Variants in TBC1D1 observed in about 807,000 individuals in gnomAD.
TBC1D1 encodes TBC1 (tre-2/USP6, BUB2, cdc16) domain family, member 1.
A neutral mutation model predicts 125.6 loss-of-function variants in TBC1D1; 89 were observed. The observed-to-expected ratio is 0.71, with a 90% CI of 0.60 to 0.85. The LOEUF (loss-of-function observed/expected upper bound fraction) is 0.85. Ranked by LOEUF, TBC1D1 falls within the 40% of genes least tolerant of loss-of-function variation. TBC1D1 has a pLI of 0.00. For synonymous variants in TBC1D1, 565 were observed against 564.1 expected (o/e 1.00, Z -0.02); for missense variants, 1,377 against 1,469.2 (o/e 0.94, Z 1.03).
intron 7 of TBC1D1, 98 bp downstream of exon 7, chr4:38,027,977 C>G (rs1745382927): frequency 1.2e-6 from 1 of 854,632 alleles, no homozygotes. Context: ...GTTGTCCCAA[C>G]CTGGGGGAAG....
At chr4:38,060,877 A>T (rs1752629177) in intron 12 of TBC1D1, among the ~76,000 whole-genome samples, 1 of 152,224 alleles carries the variant, frequency 6.6e-6, no homozygotes, top group South Asian at 2.1e-4. Flanking sequence ...TTTCAGGTCC[A>T]CTGTGAGGAG....
rs1398313715 is a variant in TBC1D1 at position 37,908,788 on chromosome 4, G to C, written c.417+6276G>C. Reference sequence around the variant, plus strand: ...TATTTCTTGCTGGGAGAAAGGCTAAGTTTGAGGGGGAACAGTGCGATACAG... The same window carrying C: ...TATTTCTTGCTGGGAGAAAGGCTAACTTTGAGGGGGAACAGTGCGATACAG... On this transcript the variant is annotated intron_variant, in intron 2 of 19. Transcript: ENST00000261439. Among the ~76,000 whole-genome samples, 4 of 152,180 alleles carry C rather than the reference G, an allele frequency of 2.6e-5. No homozygotes were observed. In the East Asian group the frequency reaches 7.7e-4, roughly 29 times the overall value.
At chr4:38,048,408 C>T (rs1047398870) in intron 10 of TBC1D1, among the ~76,000 whole-genome samples, 5 of 152,108 alleles carry the variant, frequency 3.3e-5, no homozygotes, top group African/African-American at 1.2e-4. Context: ...AAAGAATCTT[C>T]ACAACTGTTG....
chr4:38,041,315 A>G (rs1283614342), intron 8 of TBC1D1, among the ~76,000 whole-genome samples: 2 of 152,374 alleles, frequency 1.3e-5, no homozygotes, highest in African/African-American at 4.8e-5. Flanking sequence ...AAATTTTTAA[A>G]AAGTGACAAT....
intron 12 of TBC1D1, chr4:38,060,557 T>C: frequency 1.2e-5 from 13 of 1,089,310 alleles, no homozygotes; most frequent in Non-Finnish European, 1.6e-5. Flanking sequence ...AGAGACATAT[T>C]TGCTCCTCTG....
At chr4:37,934,586 G>A (rs148300498) in intron 2 of TBC1D1, among the ~76,000 whole-genome samples, 6 of 152,274 alleles carry the variant, frequency 3.9e-5, no homozygotes, top group African/African-American at 1.2e-4. Context: ...AAAGATAGAA[G>A]AGTGGGCAGA....
intron 2 of TBC1D1, among the ~76,000 whole-genome samples, chr4:37,921,331 C>T (rs1440668201): frequency 1.4e-5 from 2 of 146,642 alleles, no homozygotes; most frequent in African/African-American, 2.5e-5. Context: ...TGACTTCCAA[C>T]CCAGGAAAAA....
At chr4:38,076,832 A>G (rs1560744559) in intron 12 of TBC1D1, among the ~76,000 whole-genome samples, 1 of 152,082 alleles carries the variant, frequency 6.6e-6, no homozygotes, top group Admixed American at 6.5e-5. Flanking sequence ...ATACCTAAAA[A>G]CCATCTCCTG....
Position 38,014,741 on chromosome 4 carries a change from C to T in TBC1D1, c.650C>T (p.Pro217Leu), listed in dbSNP as rs747831454. ...TCCGAGAGCCCCCGCCCCAACCCGCCCCATGCCGCGCCCACAGGGAGCCAG... is the reference window on the plus strand; with the variant it reads ...TCCGAGAGCCCCCGCCCCAACCCGCTCCATGCCGCGCCCACAGGGAGCCAG... Residue 217 changes from proline (P) to leucine (L), a missense_variant, in exon 3 of 20, where the codon CCC becomes CTC. Transcript: ENST00000261439. The surrounding 1 kb of genome is among the most constrained non-coding windows in gnomAD (Gnocchi z 5.1). 6 of 1,611,812 alleles carry T rather than the reference C, an allele frequency of 3.7e-6. No individual in the cohort carries two copies. The highest frequency in any genetic ancestry group is 3.3e-5 in the South Asian group (3 of 91,000).
chr4:38,051,758 G>A (rs1373141687), intron 11 of TBC1D1, 141 bp from the exon 12 acceptor site: 3 of 751,320 alleles, frequency 4.0e-6, no homozygotes, highest in South Asian at 2.0e-5. Flanking sequence ...AGGAAAAGGA[G>A]TGGAAGAAGT....
intron 12 of TBC1D1, among the ~76,000 whole-genome samples, chr4:38,065,328 T>C (rs1753518207): frequency 6.6e-6 from 1 of 152,192 alleles, no homozygotes; most frequent in Non-Finnish European, 1.5e-5. Flanking sequence ...CACCAGTTAC[T>C]GGGTTACGCC....
chr4:37,972,867 A>T (rs1258136084), intron 2 of TBC1D1, among the ~76,000 whole-genome samples: 1 of 148,696 alleles, frequency 6.7e-6, no homozygotes, highest in Non-Finnish European at 1.5e-5. Flanking sequence ...GCACCACTGC[A>T]CTCCAGCCTG....
intron 2 of TBC1D1, among the ~76,000 whole-genome samples, chr4:37,983,803 A>G (rs931797691): frequency 6.6e-6 from 1 of 152,218 alleles, no homozygotes; most frequent in African/African-American, 2.4e-5. Context: ...TGTTGGTGAT[A>G]TACATTCTAC....
At chr4:38,103,859 A>G (rs190600007) in intron 15 of TBC1D1, among the ~76,000 whole-genome samples, 2 of 152,296 alleles carry the variant, frequency 1.3e-5, no homozygotes, top group African/African-American at 4.8e-5. Flanking sequence ...GAGATGATTT[A>G]AGGTGTGTGG....
chr4:38,088,747 TA>T (rs1162802670), intron 12 of TBC1D1, among the ~76,000 whole-genome samples: 1 of 152,174 alleles, frequency 6.6e-6, no homozygotes, highest in African/African-American at 2.4e-5. Context: ...GGCTCTGTCA[TA>T]CCCACTTGAC....
chr4:38,128,927 G>C (rs954055195), intron 18 of TBC1D1, among the ~76,000 whole-genome samples: 4 of 152,198 alleles, frequency 2.6e-5, no homozygotes, highest in African/African-American at 9.7e-5. Context: ...TCTCAGCTCA[G>C]TTTAAGGAAG....
Position 38,125,132 on chromosome 4 carries a change from G to T in TBC1D1, c.3132+1G>T. The T allele has an allele frequency of 1.9e-6, 3 of 1,613,844 alleles. No homozygotes were observed. The highest frequency in any genetic ancestry group is 2.5e-6 in the Non-Finnish European group (3 of 1,179,924). On this transcript the variant is annotated splice_donor_variant, in intron 18 of 19. Coordinates refer to ENST00000261439, the MANE Select transcript of TBC1D1 (RefSeq NM_015173.4). LOFTEE classifies it high-confidence loss of function. ...ACAGATGGAAAAGACCATCAATCAG[G>T]TATGAGTCAGTCCAAACCTTGCAAA...
chr4:37,971,766 A>G (rs1732078929), intron 2 of TBC1D1, among the ~76,000 whole-genome samples: 1 of 152,208 alleles, frequency 6.6e-6, no homozygotes, highest in African/African-American at 2.4e-5. Context: ...GCTAGAATAT[A>G]TTTCTAAGCT....
chr4:37,974,057 C>T (rs1018595576), intron 2 of TBC1D1, among the ~76,000 whole-genome samples: 1 of 152,200 alleles, frequency 6.6e-6, no homozygotes, highest in African/African-American at 2.4e-5. Context: ...GCCTCCATCT[C>T]TTCTAAGTGT....
Sources: gnomAD v4.1 joint callset for allele counts (sites outside exome capture counted in the v4.1 genomes callset) on GRCh38, gnomAD v4.1.1 for gene constraint, Gnocchi (gnomAD v3.1) non-coding constraint, MANE v1.5 for transcripts, NCBI Gene and HGNC (gene_info 2026-07-23, HGNC 2026-07-21) for gene names.